The following KCNH7 variants were observed in gnomAD, a reference collection of about 807,000 sequenced individuals.
KCNH7 encodes the protein potassium voltage-gated channel subfamily H member 7, also known as voltage-gated inwardly rectifying potassium channel KCNH7.
KCNH7 carries 49 observed loss-of-function variants against 120.8 expected under a neutral mutation model. The ratio of observed to expected loss-of-function variants is 0.41; its 90% confidence interval spans 0.32 to 0.51. The LOEUF (loss-of-function observed/expected upper bound fraction) is 0.51. KCNH7 is among the 20% of genes least tolerant of loss of function. The pLI is 0.38. For missense variants in KCNH7, 1,097 were observed against 1,446.6 expected, an observed-to-expected ratio of 0.76 and a Z score of 3.92; for synonymous variants, 547 against 516.1, an observed-to-expected ratio of 1.06 and a Z score of -0.81.
chr2:162,538,791 T>C (rs1692200437), intron 2 of KCNH7, among the ~76,000 whole-genome samples: 1 of 152,086 alleles, frequency 6.6e-6, no homozygotes. Flanking sequence ...ATTGTTTCTA[T>C]GGGTAAATAT....
At chr2:162,666,128 T>C (rs1685124929) in intron 2 of KCNH7, among the ~76,000 whole-genome samples, 1 of 152,108 alleles carries the variant, frequency 6.6e-6, no homozygotes, top group African/African-American at 2.4e-5. Context: ...GATCCTCCAT[T>C]ACCTTGTGCT....
At chr2:162,637,229 T>C (rs1683991781) in intron 2 of KCNH7, among the ~76,000 whole-genome samples, 1 of 152,096 alleles carries the variant, frequency 6.6e-6, no homozygotes, top group South Asian at 2.1e-4. Context: ...CTAGTCTCTT[T>C]CCATATCATT....
At chr2:162,653,200 T>C in intron 2 of KCNH7, among the ~76,000 whole-genome samples, 1 of 152,224 alleles carries the variant, frequency 6.6e-6, no homozygotes, top group East Asian at 1.9e-4. Context: ...TCAACAGAAA[T>C]TATTGATTGA....
At chr2:162,811,282 A>T (rs1345484745) in intron 2 of KCNH7, among the ~76,000 whole-genome samples, 4 of 152,198 alleles carry the variant, frequency 2.6e-5, no homozygotes. Flanking sequence ...GAAAAGTGCA[A>T]TAAAGATGAC....
At chr2:162,453,074 G>A (rs755581971) in intron 6 of KCNH7, among the ~76,000 whole-genome samples, 1 of 151,624 alleles carries the variant, frequency 6.6e-6, no homozygotes, top group Non-Finnish European at 1.5e-5. Context: ...AGCCCCACAT[G>A]CATTAGGTAT....
chr2:162,406,466 G>A (rs188589873), intron 9 of KCNH7, among the ~76,000 whole-genome samples: 29 of 152,010 alleles, frequency 1.9e-4, no homozygotes, highest in Admixed American at 9.9e-4. Context: ...CCTCTAAATA[G>A]CACATTAATC....
chr2:162,438,717 T>G (rs1688332995), intron 7 of KCNH7, among the ~76,000 whole-genome samples: 1 of 152,180 alleles, frequency 6.6e-6, no homozygotes, highest in Admixed American at 6.5e-5. Flanking sequence ...CTTACTTCTA[T>G]TGTTATCAAA....
chr2:162,821,001 A>G (rs1365617998), intron 2 of KCNH7, among the ~76,000 whole-genome samples: 1 of 152,138 alleles, frequency 6.6e-6, no homozygotes, highest in Non-Finnish European at 1.5e-5. Context: ...TGTCCCTCCT[A>G]CTTAATAAAC....
At chr2:162,489,922 A>G (rs1280163940) in intron 6 of KCNH7, among the ~76,000 whole-genome samples, 2 of 152,226 alleles carry the variant, frequency 1.3e-5, no homozygotes, top group African/African-American at 4.8e-5. Context: ...TTACATCCCA[A>G]ATTTAATCTG....
chr2:162,414,684 T>C (rs1687489552), intron 9 of KCNH7, among the ~76,000 whole-genome samples: 1 of 152,038 alleles, frequency 6.6e-6, no homozygotes, highest in African/African-American at 2.4e-5. Context: ...TTAAAAGTTA[T>C]GGAAGTTTAC....
intron 2 of KCNH7, among the ~76,000 whole-genome samples, chr2:162,746,163 G>T (rs192907677): frequency 1.3e-5 from 2 of 151,954 alleles, no homozygotes; most frequent in East Asian, 3.9e-4. Context: ...TTGGTTTTTA[G>T]ATTTTCAAGC....
At chr2:162,571,958 G>C (rs1282892618) in intron 2 of KCNH7, among the ~76,000 whole-genome samples, 1 of 151,486 alleles carries the variant, frequency 6.6e-6, no homozygotes, top group Non-Finnish European at 1.5e-5. Flanking sequence ...AGAAAACCTA[G>C]GCATTACCAT....
At chr2:162,585,739 G>C (rs990204029) in intron 2 of KCNH7, among the ~76,000 whole-genome samples, 3 of 151,764 alleles carry the variant, frequency 2.0e-5, no homozygotes, top group African/African-American at 7.3e-5. Context: ...ATATTTCATT[G>C]ACCCAAGCTG....
At chr2:162,696,381 T>G (rs1345898951) in intron 2 of KCNH7, among the ~76,000 whole-genome samples, 1 of 152,208 alleles carries the variant, frequency 6.6e-6, no homozygotes, top group Non-Finnish European at 1.5e-5. Context: ...AATAAATAAT[T>G]TCAGGTTACT....
At chr2:162,378,228 G>A (rs1036499507) in intron 14 of KCNH7, among the ~76,000 whole-genome samples, 2 of 152,174 alleles carry the variant, frequency 1.3e-5, no homozygotes, top group African/African-American at 4.8e-5. Context: ...CCTTACAGTA[G>A]CATCATGGGT....
intron 6 of KCNH7, among the ~76,000 whole-genome samples, chr2:162,496,405 G>C (rs2160703): frequency 0.065 from 9,838 of 152,076 alleles, 1,037 homozygotes; most frequent in African/African-American, 0.22. Flanking sequence ...ATGCGCACTG[G>C]GGGGATGGAG....
intron 2 of KCNH7, among the ~76,000 whole-genome samples, chr2:162,634,714 C>G (rs35835086): frequency 0.022 from 3,314 of 151,972 alleles, 71 homozygotes; most frequent in Non-Finnish European, 0.032. Flanking sequence ...TGGCTATAGA[C>G]AGAGTCAAAG....
At chr2:162,483,183 TA>T (rs571749500) in intron 6 of KCNH7, among the ~76,000 whole-genome samples, 68 of 152,294 alleles carry the variant, frequency 4.5e-4, no homozygotes, top group Middle Eastern at 3.4e-3. Flanking sequence ...TAATATTCCA[TA>T]TGGTTGGGAA....
At chr2:162,784,216 G>A (rs1371809659) in intron 2 of KCNH7, among the ~76,000 whole-genome samples, 1 of 152,048 alleles carries the variant, frequency 6.6e-6, no homozygotes, top group Non-Finnish European at 1.5e-5. Context: ...AATCAGCAAT[G>A]ATTTATTGAG....
Sources: allele counts gnomAD v4.1 joint callset (sites outside exome capture counted in the v4.1 genomes callset), GRCh38; gene constraint gnomAD v4.1.1; transcripts MANE v1.5; gene names NCBI Gene and HGNC (gene_info 2026-07-23, HGNC 2026-07-21).